DGKG: variants seen among roughly 807,000 people sequenced by gnomAD.
The protein encoded by DGKG is diacylglycerol kinase gamma.
A neutral mutation model predicts 105.3 loss-of-function variants in DGKG; 78 were observed. That is an observed-to-expected ratio of 0.74 (90% CI 0.62 to 0.89). The LOEUF (loss-of-function observed/expected upper bound fraction) is 0.89. Ranked by LOEUF, DGKG falls within the 40% of genes least tolerant of loss-of-function variation. The pLI is 0.00. For synonymous variants in DGKG, 346 were observed against 367.1 expected, an observed-to-expected ratio of 0.94 and a Z score of 0.66; for missense variants, 958 against 1,020.1, an observed-to-expected ratio of 0.94 and a Z score of 0.83.
At chr3:186,352,092 C>A (rs1223159699) in intron 1 of DGKG, among the ~76,000 whole-genome samples, 5 of 152,060 alleles carry the variant, frequency 3.3e-5, no homozygotes, top group East Asian at 1.9e-4. Context: ...CCCCACTCCC[C>A]CCAGGCAATG....
chr3:186,197,166 G>A (rs1302291357), intron 21 of DGKG, among the ~76,000 whole-genome samples: 1 of 152,096 alleles, frequency 6.6e-6, no homozygotes, highest in Non-Finnish European at 1.5e-5. Flanking sequence ...TAGCTCTTTT[G>A]AAGATGGAAG....
In DGKG at chr3:186,149,469, C is replaced by G; in HGVS notation, c.*621G>C. 1 of 985,416 alleles carries G rather than the reference C, an allele frequency of 1.0e-6. No individual in the cohort carries two copies. The highest frequency in any genetic ancestry group is 1.2e-6 in the Non-Finnish European group (1 of 829,942). 61.0% of individuals were successfully genotyped at this position (985,416 alleles called of 1,614,324 possible). A position where few individuals can be genotyped will look rare whatever the true frequency, so the allele number is the denominator to read the frequency against. Reference sequence around the variant, plus strand: ...AGTGCCCACCGACGGCGCAGAAACCCAAGAATGGAAATACAGCTTTCCACA... The same window carrying G: ...AGTGCCCACCGACGGCGCAGAAACCGAAGAATGGAAATACAGCTTTCCACA... On this transcript the variant is annotated 3_prime_UTR_variant, in exon 25 of 25. Transcript: ENST00000265022.
At chr3:186,309,582 C>T (rs772836411) in intron 2 of DGKG, among the ~76,000 whole-genome samples, 7 of 152,090 alleles carry the variant, frequency 4.6e-5, no homozygotes, top group Non-Finnish European at 1.0e-4. Flanking sequence ...ATTTTAGAAT[C>T]TATTTTAATG....
At chr3:186,255,442 TC>T (rs541217190) in intron 17 of DGKG, among the ~76,000 whole-genome samples, 2 of 152,128 alleles carry the variant, frequency 1.3e-5, no homozygotes, top group African/African-American at 2.4e-5. Flanking sequence ...CAGGGGAGGC[TC>T]CCCTGAGTAA....
At chr3:186,278,511 T>C (rs1400562815) in intron 9 of DGKG, among the ~76,000 whole-genome samples, 1 of 152,046 alleles carries the variant, frequency 6.6e-6, no homozygotes, top group Non-Finnish European at 1.5e-5. Flanking sequence ...TTTCTCTGGG[T>C]CTCAGTTTGT....
intron 1 of DGKG, among the ~76,000 whole-genome samples, chr3:186,351,826 A>G (rs1726644091): frequency 6.6e-6 from 1 of 152,246 alleles, no homozygotes; most frequent in Admixed American, 6.5e-5. Context: ...CGGTTCTGAC[A>G]CCTTAAAGTA....
At chr3:186,224,541 T>G (rs1719756203) in intron 20 of DGKG, among the ~76,000 whole-genome samples, 1 of 152,188 alleles carries the variant, frequency 6.6e-6, no homozygotes, top group South Asian at 2.1e-4. Flanking sequence ...ATGAATTCGG[T>G]AAAATATTGG....
chr3:186,280,576 A>C (rs1053305925), intron 8 of DGKG, 94 bp downstream of exon 8: 1 of 951,934 alleles, frequency 1.1e-6, no homozygotes, highest in Admixed American at 2.1e-5. Context: ...GTCTGGGAGC[A>C]CCTGCAGGGT....
chr3:186,357,587 T>C (rs566851448), intron 1 of DGKG, among the ~76,000 whole-genome samples: 117 of 152,308 alleles, frequency 7.7e-4, no homozygotes, highest in Non-Finnish European at 1.4e-3. Context: ...GTGATGTGAA[T>C]ATCAGGTGAA....
At chr3:186,278,880 T>C (rs903234634) in intron 9 of DGKG, among the ~76,000 whole-genome samples, 1 of 152,212 alleles carries the variant, frequency 6.6e-6, no homozygotes, top group Non-Finnish European at 1.5e-5. Context: ...ACAACTGGTG[T>C]GACTAGTAAA....
intron 24 of DGKG, among the ~76,000 whole-genome samples, chr3:186,152,603 C>T (rs571528236): frequency 2.0e-5 from 3 of 152,290 alleles, no homozygotes; most frequent in African/African-American, 7.2e-5. Flanking sequence ...GTGGAGATGG[C>T]TCTGTTGGAA....
intron 21 of DGKG, among the ~76,000 whole-genome samples, chr3:186,189,583 C>G (rs1560087275): frequency 6.6e-6 from 1 of 152,126 alleles, no homozygotes; most frequent in Non-Finnish European, 1.5e-5. Context: ...AAGAAAAAAT[C>G]AAAGGCATAC....
chr3:186,176,659 T>C (rs1717092817), intron 22 of DGKG, among the ~76,000 whole-genome samples: 1 of 152,202 alleles, frequency 6.6e-6, no homozygotes, highest in Non-Finnish European at 1.5e-5. Context: ...ATAGGTCAAT[T>C]AACCCTCCCT....
chr3:186,160,647 A>G (rs1716247900), intron 24 of DGKG: 1 of 985,346 alleles, frequency 1.0e-6, no homozygotes, highest in Non-Finnish European at 1.2e-6. Flanking sequence ...CAGGTGATCA[A>G]AGTATCTGAA....
intron 22 of DGKG, among the ~76,000 whole-genome samples, chr3:186,166,235 G>GATCACTAATGGAC (rs6148226): frequency 1.3e-5 from 2 of 151,710 alleles, no homozygotes; most frequent in African/African-American, 4.8e-5. Context: ...AATTACTGAC[G>GATCACTAATGGAC]ATCACTAATG....
chr3:186,342,166 TA>T (rs201816218), intron 1 of DGKG, among the ~76,000 whole-genome samples: 179 of 151,226 alleles, frequency 1.2e-3, no homozygotes, highest in African/African-American at 3.4e-3. Flanking sequence ...TAAAGTATAA[TA>T]AAAAAAAATA....
At chr3:186,327,094 A>G (rs890592111) in intron 1 of DGKG, among the ~76,000 whole-genome samples, 7 of 152,094 alleles carry the variant, frequency 4.6e-5, no homozygotes, top group African/African-American at 1.4e-4. Flanking sequence ...AGCCTGAGGG[A>G]TCAAGGCTGC....
chr3:186,259,058 T>G (rs1721617486), intron 16 of DGKG, among the ~76,000 whole-genome samples: 2 of 152,188 alleles, frequency 1.3e-5, no homozygotes, highest in Non-Finnish European at 2.9e-5. Context: ...CTGATGCATG[T>G]GTAGGCAAAT....
chr3:186,211,701 T>G, intron 21 of DGKG, 94 bp downstream of exon 21: 2 of 935,352 alleles, frequency 2.1e-6, no homozygotes, highest in Non-Finnish European at 3.5e-6. Flanking sequence ...CTGGGTCACC[T>G]CTTAAGGTCC....
Sources: allele counts gnomAD v4.1 joint callset (sites outside exome capture counted in the v4.1 genomes callset), GRCh38; gene constraint gnomAD v4.1.1; transcripts MANE v1.5; gene names NCBI Gene and HGNC (gene_info 2026-07-23, HGNC 2026-07-21).